Variants in MYOM1 observed in about 807,000 individuals in gnomAD.
The protein encoded by MYOM1 is myomesin-1.
Under a neutral mutation model 205.3 loss-of-function variants are expected in MYOM1, and 164 were observed. The ratio of observed to expected loss-of-function variants is 0.80; its 90% CI spans 0.70 to 0.91. The LOEUF (loss-of-function observed/expected upper bound fraction) is 0.91, where lower values mean the gene tolerates loss of function less well. MYOM1 is among the 40% of genes least tolerant of loss of function. MYOM1 has a pLI of 0.00. For missense variants in MYOM1, 2,011 were observed against 2,127.3 expected, an observed-to-expected ratio of 0.95 and a Z score of 1.08; for synonymous variants, 772 against 789.4, an observed-to-expected ratio of 0.98 and a Z score of 0.37.
intron 37 of MYOM1, among the ~76,000 whole-genome samples, 191 bp from the exon 38 acceptor site, chr18:3,067,746 T>G (rs1835372785): frequency 6.6e-6 from 1 of 152,226 alleles, no homozygotes; most frequent in African/African-American, 2.4e-5. Flanking sequence ...TGAGGGGATC[T>G]CCTCAAGGCC....
At chr18:3,236,133 C>A in the MYOM1 span, among the ~76,000 whole-genome samples, 1 of 151,972 alleles carries the variant, frequency 6.6e-6, no homozygotes, top group African/African-American at 2.4e-5. Context: ...ACACTTCACT[C>A]AGCATAGTCA....
At chr18:3,136,078 G>T (rs1019441949) in intron 14 of MYOM1, among the ~76,000 whole-genome samples, 4 of 151,732 alleles carry the variant, frequency 2.6e-5, no homozygotes, top group South Asian at 2.1e-4. Flanking sequence ...TCTCATGAGA[G>T]CTGATGGTTT....
intron 2 of MYOM1, among the ~76,000 whole-genome samples, chr18:3,205,348 C>G (rs2081113535): frequency 6.6e-6 from 1 of 151,896 alleles, no homozygotes; most frequent in South Asian, 2.1e-4. Context: ...TGTATCCAAA[C>G]CATTTAAATA....
Position 3,151,770 on chromosome 18 carries a change from T to C in MYOM1, c.1767A>G (p.Lys589=), listed in dbSNP as rs749627576. 12 of 1,613,800 alleles carry C rather than the reference T, an allele frequency of 7.4e-6. No homozygotes were observed. Among genetic ancestry groups the C allele is most frequent in the Non-Finnish European group, 9.3e-6 (11 of 1,179,848 alleles). ...CTCGAGATGGGAAACCTATTCCCAT[T>C]TTATTCACAGCTCGAACTCGGAAGA... The part of the protein sequence containing the change: ...SYIFRVRAVN[K]MGIGFPSRVS... Residue 589 remains lysine, a synonymous_variant, in exon 12 of 38, where the codon AAA becomes AAG. Coordinates refer to ENST00000356443, the MANE Select transcript of MYOM1 (RefSeq NM_003803.4).
intron 10 of MYOM1, among the ~76,000 whole-genome samples, chr18:3,159,520 G>A (rs1424436466): frequency 6.6e-6 from 1 of 152,132 alleles, no homozygotes; most frequent in East Asian, 1.9e-4. Flanking sequence ...AGATACCCAA[G>A]AGAAATGAAG....
At chr18:3,075,989 C>T (rs1390819009) in intron 34 of MYOM1, among the ~76,000 whole-genome samples, 1 of 152,216 alleles carries the variant, frequency 6.6e-6, no homozygotes, top group African/African-American at 2.4e-5. Flanking sequence ...AAGCTTTCAA[C>T]TCAGCAAGAG....
intron 36 of MYOM1, among the ~76,000 whole-genome samples, chr18:3,072,432 C>A (rs1486998886): frequency 7.0e-6 from 1 of 143,230 alleles, no homozygotes; most frequent in South Asian, 2.2e-4. Flanking sequence ...CAGCTCACTG[C>A]GACCTCCGCC....
chr18:3,135,333 A>G lies in MYOM1; in HGVS notation c.2209+214T>C. On this transcript the variant is annotated intron_variant, in intron 15 of 37. Coordinates refer to ENST00000356443, the MANE Select transcript of MYOM1 (RefSeq NM_003803.4). The surrounding 1 kb of genome is among the most constrained non-coding windows in gnomAD (Gnocchi z 4.1). The stretch of plus-strand genomic sequence containing the variant: ...AATGTCCATGAACTTCAGAAAAAAC[A>G]CATTATCAATATTGTTGAAACTCCC... The G allele has an allele frequency of 2.1e-6, 1 of 471,372 alleles. No homozygotes were observed. The highest frequency in any genetic ancestry group is 3.7e-6 in the Non-Finnish European group (1 of 269,532). The allele number at this position is 471,372 out of a possible 1,614,324, so 29.2% of individuals were successfully genotyped here.
At chr18:3,091,122 C>T (rs578181184) in intron 26 of MYOM1, among the ~76,000 whole-genome samples, 1 of 151,972 alleles carries the variant, frequency 6.6e-6, no homozygotes, top group African/African-American at 2.4e-5. Context: ...TCGAGACCAG[C>T]CTGACCAATA....
chr18:3,174,061 G>T, intron 7 of MYOM1, 59 bp downstream of exon 7: 1 of 1,600,434 alleles, frequency 6.2e-7, no homozygotes. Flanking sequence ...TTAAAACCAT[G>T]GGAAGAAATT....
intron 13 of MYOM1, among the ~76,000 whole-genome samples, chr18:3,143,504 GA>G (rs1232602638): frequency 6.6e-6 from 1 of 152,068 alleles, no homozygotes; most frequent in African/African-American, 2.4e-5. Flanking sequence ...AAAGATAATT[GA>G]CCACAGTCAA....
intron 5 of MYOM1, among the ~76,000 whole-genome samples, chr18:3,180,489 T>C (rs2080713921): frequency 6.6e-6 from 1 of 152,224 alleles, no homozygotes; most frequent in Non-Finnish European, 1.5e-5. Flanking sequence ...TGGCTATCTT[T>C]AGCTTTAAGT....
intron 21 of MYOM1, 76 bp from the exon 22 acceptor site, chr18:3,112,488 C>T: frequency 9.0e-7 from 1 of 1,115,172 alleles, no homozygotes; most frequent in Admixed American, 2.5e-5. Context: ...ACAGACGGGG[C>T]TCTTCCTCTG....
At chr18:3,221,653 G>T (rs1470158037), upstream of MYOM1, among the ~76,000 whole-genome samples, 2 of 152,180 alleles carry the variant, frequency 1.3e-5, no homozygotes, top group Non-Finnish European at 2.9e-5. Context: ...TTGATAGTAA[G>T]AAACTAGACA....
rs548435077 is a variant in MYOM1 at position 3,214,259 on chromosome 18, G to A, written c.290+675C>T. ...ATTGTATATATCAGCTTCTCATCTA[G>A]GCAGAAACATTCTGAGCGCAAGGAA... On this transcript the variant is annotated intron_variant, in intron 2 of 37. Transcript: ENST00000356443. Among the ~76,000 whole-genome samples the A allele has an allele frequency of 1.1e-3, 171 of 152,214 alleles. 7 individuals are homozygous for A. The South Asian group carries it at 0.034, about 30-fold the overall frequency.
intron 28 of MYOM1, 92 bp from the exon 29 acceptor site, chr18:3,089,333 A>G (rs2143705108): frequency 1.9e-6 from 2 of 1,028,884 alleles, no homozygotes; most frequent in East Asian, 5.0e-5. Context: ...TTTACATCTG[A>G]AGTCAGATTT....
chr18:3,104,784 A>G (rs2079429745), intron 22 of MYOM1, among the ~76,000 whole-genome samples: 1 of 112,422 alleles, frequency 8.9e-6, no homozygotes, highest in African/African-American at 3.6e-5. Context: ...ACAGGGTCTC[A>G]CTCTGTCACC....
intron 5 of MYOM1, among the ~76,000 whole-genome samples, chr18:3,187,221 A>G (rs2080830348): frequency 6.6e-6 from 1 of 152,240 alleles, no homozygotes; most frequent in African/African-American, 2.4e-5. Flanking sequence ...CTAAAATGCA[A>G]TACTTCATAT....
intron 21 of MYOM1, among the ~76,000 whole-genome samples, chr18:3,113,153 T>G (rs1346868374): frequency 1.3e-5 from 2 of 151,584 alleles, no homozygotes; most frequent in South Asian, 2.1e-4. Context: ...AATTTATTTT[T>G]GTATGACAGT....
Sources: allele counts gnomAD v4.1 joint callset (sites outside exome capture counted in the v4.1 genomes callset), GRCh38; gene constraint gnomAD v4.1.1; non-coding constraint Gnocchi (gnomAD v3.1); transcripts MANE v1.5; gene names NCBI Gene and HGNC (gene_info 2026-07-23, HGNC 2026-07-21).